PDLIM1: variants seen among roughly 807,000 people sequenced by gnomAD.
The protein encoded by PDLIM1 is PDZ and LIM domain 1.
A neutral mutation model predicts 35.2 loss-of-function variants in PDLIM1; 25 were observed. The observed-to-expected ratio is 0.71, with a 90% CI of 0.52 to 0.99. The LOEUF (loss-of-function observed/expected upper bound fraction) is 0.99, where lower values mean the gene tolerates loss of function less well. Among genes scored for constraint, PDLIM1 ranks in the 50% least tolerant of loss-of-function variants. The pLI is 0.00. For missense variants in PDLIM1, 363 were observed against 415.3 expected (o/e 0.87, Z 1.09); for synonymous variants, 152 against 154.0 (o/e 0.99, Z 0.10).
At position 95,271,680 on chromosome 10, in the gene PDLIM1, C is replaced by A. The variant is rs757120146; in HGVS notation, c.201G>T (p.Gln67His). The part of the protein sequence containing the change: ...NTSNMTHLEA[Q>H]NRIKGCTDNL... ...TGTCTGTGCAGCCTTTGATTCTGTTCTGAGCTTCCAAGTGTGTCATATTGC... is the reference window on the plus strand; with the variant it reads ...TGTCTGTGCAGCCTTTGATTCTGTTATGAGCTTCCAAGTGTGTCATATTGC... The change falls in exon 2 of 7, where the codon CAG becomes CAT. Residue 67 changes from glutamine (Q) to histidine (H), a missense_variant. Physicochemically the swap from Gln to His is conservative, Grantham distance 24 (BLOSUM62 0). Transcript: ENST00000329399. 1.9e-6 allele frequency: 3 copies of A among 1,611,846 alleles called. No homozygotes were observed. In the East Asian group the frequency reaches 6.7e-5, roughly 36 times the overall value.
intron 5 of PDLIM1, among the ~76,000 whole-genome samples, chr10:95,245,869 TC>T (rs1267332579): frequency 6.6e-6 from 1 of 152,160 alleles, no homozygotes; most frequent in Non-Finnish European, 1.5e-5. Context: ...AAGAGAACTT[TC>T]TTATCAGAAA....
At position 95,264,010 on chromosome 10, in the gene PDLIM1, G is replaced by A. The variant is rs757868152; in HGVS notation, c.387C>T (p.Ala129=). 1 of 1,613,828 alleles carries A rather than the reference G, an allele frequency of 6.2e-7. No homozygotes were observed. The highest frequency in any genetic ancestry group is 8.5e-7 in the Non-Finnish European group (1 of 1,179,866). The part of the protein sequence containing the change: ...AHNRSAMPFT[A]SPASSTTARV... ...TGGCAGTAGTGCTGGAGGCAGGCGA[G>A]GCGGTAAAGGGCATGGCACTTCGGT... Residue 129 remains alanine, a synonymous_variant, in exon 4 of 7, where the codon GCC becomes GCT. Coordinates refer to ENST00000329399, the MANE Select transcript of PDLIM1 (RefSeq NM_020992.4).
chr10:95,289,706 AAAAG>A (rs1479433611), intron 1 of PDLIM1, among the ~76,000 whole-genome samples: 1 of 152,204 alleles, frequency 6.6e-6, no homozygotes, highest in Non-Finnish European at 1.5e-5. Flanking sequence ...CCCCAAGTGA[AAAAG>A]AAGGATGTTT....
Position 95,273,842 on chromosome 10 carries a change from A to G in PDLIM1, c.97-2058T>C, listed in dbSNP as rs1210494705. On this transcript the variant is annotated intron_variant, in intron 1 of 6. Coordinates refer to ENST00000329399, the MANE Select transcript of PDLIM1 (RefSeq NM_020992.4). ...CTCCGTTTTCTGACCTGTTGTCCTG[A>G]GAAGACTGATCTGGTGCATCTTCAT... 2.0e-5 allele frequency among the ~76,000 whole-genome samples: 3 copies of G among 152,208 alleles called. No homozygotes were observed. The East Asian group carries it at 5.8e-4, about 29-fold the overall frequency.
intron 4 of PDLIM1, among the ~76,000 whole-genome samples, chr10:95,257,384 A>G (rs1247262493): frequency 6.6e-6 from 1 of 152,128 alleles, no homozygotes; most frequent in Non-Finnish European, 1.5e-5. Context: ...GTGAAAAGGC[A>G]ACTTATGAAA....
At chr10:95,259,712 A>T (rs1477394104) in intron 4 of PDLIM1, among the ~76,000 whole-genome samples, 2 of 152,248 alleles carry the variant, frequency 1.3e-5, no homozygotes, top group African/African-American at 4.8e-5. Context: ...TGAAGAAGCC[A>T]GGGTTAACAT....
rs759663261 is a variant in PDLIM1, at chr10:95,263,887, G to C, written c.510C>G (p.Ser170Arg). 1 of 1,613,278 alleles carries C rather than the reference G, an allele frequency of 6.2e-7. No individual in the cohort carries two copies. The highest frequency in any genetic ancestry group is 8.5e-7 in the Non-Finnish European group (1 of 1,179,622). The change falls in exon 4 of 7, where the codon AGC (serine) becomes AGG (arginine). Residue 170 changes from serine (S) to arginine (R), a missense_variant. Transcript: ENST00000329399. ...ACGGTCTGCTGTTCGCCTCCACCCCGCTGGCAGCAGTCTTTGACTCCAGGG... is the reference window on the plus strand; with the variant it reads ...ACGGTCTGCTGTTCGCCTCCACCCCCCTGGCAGCAGTCTTTGACTCCAGGG... ...NNALESKTAA[S>R]GVEANSRPLD... is the part of the protein sequence containing the mutation.
intron 5 of PDLIM1, 105 bp from the exon 6 acceptor site, chr10:95,238,790 G>C (rs1233626880): frequency 1.4e-6 from 1 of 719,080 alleles, no homozygotes; most frequent in East Asian, 2.6e-5. Flanking sequence ...CAAGGCCATG[G>C]GAACTGGAGT....
chr10:95,237,948 C>T lies in PDLIM1; in HGVS notation c.967G>A (p.Val323Met), dbSNP rs2035140533. The T allele has an allele frequency of 6.2e-7, 1 of 1,614,042 alleles. No individual in the cohort carries two copies. Among genetic ancestry groups the T allele is most frequent in the African/African-American group, 1.3e-5 (1 of 74,932 alleles). ...ERVTPPEGYE[V>M]VTVFPK The stretch of plus-strand genomic sequence containing the variant: ...GCTCACTTGGGGAACACAGTGACCA[C>T]TTCATAACCCTCAGGTGGTGTGACT... The change falls in exon 7 of 7, where the codon GTG becomes ATG. Residue 323 changes from valine to methionine, a missense_variant. Transcript: ENST00000329399.
intron 5 of PDLIM1, among the ~76,000 whole-genome samples, chr10:95,244,066 C>T (rs2035199217): frequency 6.6e-6 from 1 of 152,112 alleles, no homozygotes; most frequent in Non-Finnish European, 1.5e-5. Flanking sequence ...CTTAATACCA[C>T]TAAATTGTAC....
rs747643963 is a variant in PDLIM1, at chr10:95,290,786, G to T, written c.96+34C>A. On this transcript the variant is annotated intron_variant, in intron 1 of 6. Transcript: ENST00000329399. The surrounding 1 kb of genome is among the most constrained non-coding windows in gnomAD (Gnocchi z 4.7). Reference sequence around the variant, plus strand: ...GTCTCCGCATATCACCTCCCATAGCGCCCCGCTTCCACGCACGTCCCAGCT... The same window carrying T: ...GTCTCCGCATATCACCTCCCATAGCTCCCCGCTTCCACGCACGTCCCAGCT... The T allele has an allele frequency of 6.9e-7, 1 of 1,459,844 alleles. No individual in the cohort carries two copies. The highest frequency in any genetic ancestry group is 2.0e-5 in the Admixed American group (1 of 50,514). The allele number at this position is 1,459,844 out of a possible 1,614,324, so 90.4% of individuals were successfully genotyped here. A position where few individuals can be genotyped will look rare whatever the true frequency, so the allele number is the denominator to read the frequency against.
chr10:95,282,731 G>C (rs919345922), intron 1 of PDLIM1, among the ~76,000 whole-genome samples: 1 of 152,176 alleles, frequency 6.6e-6, no homozygotes, highest in Non-Finnish European at 1.5e-5. Flanking sequence ...CTTGAAGTCA[G>C]GAGTTCAAGG....
At chr10:95,249,815 G>A (rs2035252451) in intron 4 of PDLIM1, among the ~76,000 whole-genome samples, 1 of 152,142 alleles carries the variant, frequency 6.6e-6, no homozygotes, top group South Asian at 2.1e-4. Flanking sequence ...AAAGGAAAAG[G>A]CACCCAAAGA....
chr10:95,244,549 A>G (rs2035203263), intron 5 of PDLIM1, among the ~76,000 whole-genome samples: 1 of 151,856 alleles, frequency 6.6e-6, no homozygotes, highest in South Asian at 2.1e-4. Flanking sequence ...GAATGACAGG[A>G]CCTCTCATCA....
intron 5 of PDLIM1, among the ~76,000 whole-genome samples, chr10:95,240,825 G>A (rs2035171928): frequency 6.6e-6 from 1 of 152,156 alleles, no homozygotes; most frequent in South Asian, 2.1e-4. Context: ...GCCCCTAGTA[G>A]CTAGATGCTG....
intron 1 of PDLIM1, among the ~76,000 whole-genome samples, chr10:95,281,723 C>T (rs2035563210): frequency 6.6e-6 from 1 of 152,104 alleles, no homozygotes; most frequent in Admixed American, 6.5e-5. Flanking sequence ...AACTCCTGGC[C>T]TCAAGCAATC....
intron 1 of PDLIM1, among the ~76,000 whole-genome samples, chr10:95,286,141 G>C (rs1201441587): frequency 6.6e-6 from 1 of 152,200 alleles, no homozygotes; most frequent in Non-Finnish European, 1.5e-5. Flanking sequence ...CAGGTCACTT[G>C]AGGCCAGGAG....
chr10:95,239,048 A>G (rs964714569), intron 5 of PDLIM1, among the ~76,000 whole-genome samples: 2 of 135,622 alleles, frequency 1.5e-5, no homozygotes, highest in African/African-American at 5.3e-5. Flanking sequence ...GAGACCACAC[A>G]CCCACAACCA....
chr10:95,258,602 T>C (rs942525429), intron 4 of PDLIM1, among the ~76,000 whole-genome samples: 2 of 152,196 alleles, frequency 1.3e-5, no homozygotes, highest in African/African-American at 4.8e-5. Flanking sequence ...ATGACTCCAA[T>C]TATATGAGAT....
Sources: allele counts gnomAD v4.1 joint callset (sites outside exome capture counted in the v4.1 genomes callset), GRCh38; gene constraint gnomAD v4.1.1; non-coding constraint Gnocchi (gnomAD v3.1); transcripts MANE v1.5; gene names NCBI Gene and HGNC (gene_info 2026-07-23, HGNC 2026-07-21).